Variants in CMC2 observed in about 807,000 individuals in gnomAD.
The protein encoded by CMC2 is COX assembly mitochondrial protein 2 homolog.
CMC2 carries 5 observed loss-of-function variants against 7.5 expected under a neutral mutation model. The ratio of observed to expected loss-of-function variants is 0.66; its 90% CI spans 0.35 to 1.40. The LOEUF is 1.40. Among genes scored for constraint, CMC2 ranks in the 40% most tolerant of loss-of-function variants. CMC2 has a pLI of 0.04. For missense variants in CMC2, 115 were observed against 92.3 expected, an observed-to-expected ratio of 1.25 and a Z score of -1.01; for synonymous variants, 37 against 31.4, an observed-to-expected ratio of 1.18 and a Z score of -0.60.
intron 2 of CMC2, chr16:80,997,072 G>A (rs974795638): frequency 7.2e-6 from 4 of 554,984 alleles, no homozygotes; most frequent in Non-Finnish European, 1.3e-5. Flanking sequence ...GATTCCAACT[G>A]TTACATACCA....
At chr16:80,994,686 A>G (rs562915241) in intron 2 of CMC2, among the ~76,000 whole-genome samples, 9 of 152,248 alleles carry the variant, frequency 5.9e-5, no homozygotes, top group Non-Finnish European at 1.3e-4. Flanking sequence ...TAAAAAGTTT[A>G]TAATATTAGG....
At chr16:80,979,917 C>T (rs769646759) in intron 3 of CMC2, among the ~76,000 whole-genome samples, 11 of 151,962 alleles carry the variant, frequency 7.2e-5, no homozygotes, top group Non-Finnish European at 1.6e-4. Context: ...CCACCACACC[C>T]GGCCAATATT....
intron 2 of CMC2, among the ~76,000 whole-genome samples, chr16:80,988,778 T>C (rs1172826695): frequency 6.6e-6 from 1 of 150,460 alleles, no homozygotes; most frequent in African/African-American, 2.4e-5. Context: ...AGGATTGCCA[T>C]TGCATTTAGT....
Position 80,976,224 on chromosome 16 carries a change from G to A in CMC2, c.154-45C>T, listed in dbSNP as rs757550201. 1.1e-5 allele frequency: 11 copies of A among 1,034,322 alleles called. No individual in the cohort carries two copies. The South Asian group carries it at 1.6e-4, about 15-fold the overall frequency. 64.1% of individuals were successfully genotyped at this position (1,034,322 alleles called of 1,614,324 possible). On this transcript the variant is annotated intron_variant, in intron 3 of 3. Transcript: ENST00000219400. ...GGGGAGAAAAGAAACAGCAGATTAT[G>A]TCACTATTTATAGCAGTTTACTATT...
chr16:81,003,202 T>C (rs2602414), intron 1 of CMC2, among the ~76,000 whole-genome samples: 95,797 of 152,040 alleles, frequency 0.63, 31,707 homozygotes, highest in South Asian at 0.79. Flanking sequence ...TGTAATTAAG[T>C]GCTGATGTCT....
Position 80,972,360 on chromosome 16 carries a change from T to C in CMC2, c.*3733A>G, listed in dbSNP as rs1358381238. The C allele has an allele frequency of 6.6e-6, 1 of 151,764 alleles. No homozygotes were observed. Among genetic ancestry groups the C allele is most frequent in the South Asian group, 2.1e-4 (1 of 4,798 alleles). The allele number at this position is 151,764 out of a possible 1,614,324, so 9.4% of individuals were successfully genotyped here. A position where few individuals can be genotyped will look rare whatever the true frequency, so the allele number is the denominator to read the frequency against. On this transcript the variant is annotated 3_prime_UTR_variant, in exon 4 of 4. Transcript: ENST00000219400. The stretch of plus-strand genomic sequence containing the variant: ...ACTCCCTTGGGACAGTGAGGATTTT[T>C]TGTTTTTCGTTTTTTTTGTTTTTTT...
chr16:80,997,419 A>G lies in CMC2; in HGVS notation c.-25T>C, dbSNP rs1309504204. The G allele has an allele frequency of 3.2e-6, 5 of 1,579,650 alleles. No individual in the cohort carries two copies. The highest frequency in any genetic ancestry group is 2.2e-5 in the South Asian group (2 of 90,414). On this transcript the variant is annotated 5_prime_UTR_variant, in exon 2 of 4. Coordinates refer to ENST00000219400, the MANE Select transcript of CMC2 (RefSeq NM_020188.5). The stretch of plus-strand genomic sequence containing the variant: ...TCTTTAGGAGATGAGGATGGATCAC[A>G]GCAGTGCAACCTGTGGATACAAGAG...
At chr16:81,000,688 CA>C (rs917041387) in intron 1 of CMC2, among the ~76,000 whole-genome samples, 3 of 151,916 alleles carry the variant, frequency 2.0e-5, no homozygotes, top group Non-Finnish European at 4.4e-5. Flanking sequence ...ACTAAAAAGT[CA>C]AAAAAACACA....
chr16:80,980,224 A>G (rs111338929), intron 3 of CMC2, among the ~76,000 whole-genome samples: 262 of 152,366 alleles, frequency 1.7e-3, no homozygotes, highest in African/African-American at 6.1e-3. Context: ...TTACTATTAA[A>G]GAAACATCAC....
chr16:80,976,086 A>C lies in CMC2; in HGVS notation c.*7T>G, dbSNP rs186471151. On this transcript the variant is annotated 3_prime_UTR_variant, in exon 4 of 4. Coordinates refer to ENST00000219400, the MANE Select transcript of CMC2 (RefSeq NM_020188.5). ...CTCTCAGCCAAGGCATCGAGTGAAA[A>C]TACAATTTATTTTTCGGATTCCTCT... is the stretch of plus-strand genomic sequence containing the variant. The C allele has an allele frequency of 1.6e-5, 24 of 1,543,782 alleles. No homozygotes were observed. Among genetic ancestry groups the C allele is most frequent in the Non-Finnish European group, 2.1e-5 (23 of 1,116,512 alleles).
chr16:80,991,116 T>G (rs75987996), intron 2 of CMC2, among the ~76,000 whole-genome samples: 5,600 of 151,936 alleles, frequency 0.037, 336 homozygotes, highest in African/African-American at 0.12. Flanking sequence ...CAAAGTAGTA[T>G]TGGATTATAA....
intron 1 of CMC2, among the ~76,000 whole-genome samples, chr16:81,003,772 G>T (rs545992773): frequency 8.7e-6 from 1 of 115,354 alleles, no homozygotes; most frequent in East Asian, 2.4e-4. Flanking sequence ...TAGTGAGTCT[G>T]TCAAGACACA....
intron 2 of CMC2, chr16:80,984,155 T>C (rs993018884): frequency 1.3e-5 from 2 of 152,190 alleles, no homozygotes; most frequent in Non-Finnish European, 2.9e-5. Flanking sequence ...GCAAAAAGTA[T>C]GCGTGCTCTA....
rs1379196630 is a variant in CMC2 at position 80,969,225 on chromosome 16, A to G, written c.*6868T>C. 6.6e-6 allele frequency: 1 copy of G among 152,220 alleles called. No individual in the cohort carries two copies. The highest frequency in any genetic ancestry group is 1.5e-5 in the Non-Finnish European group (1 of 68,060). 9.4% of individuals were successfully genotyped at this position (152,220 alleles called of 1,614,324 possible). A position where few individuals can be genotyped will look rare whatever the true frequency, so the allele number is the denominator to read the frequency against. On this transcript the variant is annotated 3_prime_UTR_variant, in exon 4 of 4. Transcript: ENST00000219400. ...GTTAAAATGTAACCCTCATATCCCA[A>G]AATACAAATGAGTGAGGTGAGGACA...
At chr16:80,990,855 G>A (rs1967938373) in intron 2 of CMC2, among the ~76,000 whole-genome samples, 1 of 152,008 alleles carries the variant, frequency 6.6e-6, no homozygotes, top group Admixed American at 6.6e-5. Context: ...CTCCTGAGGA[G>A]CTGGGACTAC....
chr16:80,978,261 A>G, intron 3 of CMC2: 1 of 1,111,962 alleles, frequency 9.0e-7, no homozygotes, highest in African/African-American at 1.7e-5. Flanking sequence ...CGTCTACTGG[A>G]TTGCCCCCAG....
In CMC2 at chr16:80,981,852, T is replaced by C; in HGVS notation, c.107A>G (p.Tyr36Cys). 6.2e-7 allele frequency: 1 copy of C among 1,610,092 alleles called. No individual in the cohort carries two copies. The highest frequency in any genetic ancestry group is 8.5e-7 in the Non-Finnish European group (1 of 1,177,558). ...KNHNILKFFG[Y>C]CNDVDRELRK... ...CAACTCCCGATCAACATCATTACAA[T>C]AACCAAAAAATTTCAGAATGTTGTG... is the stretch of plus-strand genomic sequence containing the variant. The change falls in exon 3 of 4, where the codon TAT becomes TGT. Residue 36 changes from tyrosine to cysteine, a missense_variant. Coordinates refer to ENST00000219400, the MANE Select transcript of CMC2 (RefSeq NM_020188.5).
At position 80,974,168 on chromosome 16, in the gene CMC2, TA is replaced by T. The variant is rs1912118236; in HGVS notation, c.*1924del. 6.6e-6 allele frequency: 1 copy of T among 152,236 alleles called. No individual in the cohort carries two copies. Among genetic ancestry groups the T allele is most frequent in the Admixed American group, 6.5e-5 (1 of 15,270 alleles). The allele number at this position is 152,236 out of a possible 1,614,324, so 9.4% of individuals were successfully genotyped here. ...GCCTGAGACATCCTAGACACTTCCT[TA>T]AACCCTACACCTAGTCAGTCATGCT... On this transcript the variant is annotated 3_prime_UTR_variant, in exon 4 of 4. Transcript: ENST00000219400.
At position 80,971,845 on chromosome 16, in the gene CMC2, A is replaced by G. The variant is rs1166907478; in HGVS notation, c.*4248T>C. ...AACCTGAAACATTTTGTCATAAAAA[A>G]GAATAGCATTAATACCACAAAAAAG... On this transcript the variant is annotated 3_prime_UTR_variant, in exon 4 of 4. Coordinates refer to ENST00000219400, the MANE Select transcript of CMC2 (RefSeq NM_020188.5). 2 of 152,170 alleles carry G rather than the reference A, an allele frequency of 1.3e-5. No individual in the cohort carries two copies. Among genetic ancestry groups the G allele is most frequent in the Non-Finnish European group, 2.9e-5 (2 of 68,038 alleles). The allele number at this position is 152,170 out of a possible 1,614,324, so 9.4% of individuals were successfully genotyped here. A position where few individuals can be genotyped will look rare whatever the true frequency, so the allele number is the denominator to read the frequency against.
Sources: gnomAD v4.1 joint callset for allele counts (sites outside exome capture counted in the v4.1 genomes callset) on GRCh38, gnomAD v4.1.1 for gene constraint, MANE v1.5 for transcripts, NCBI Gene and HGNC (gene_info 2026-07-23, HGNC 2026-07-21) for gene names.